Variants in DENND1B observed in about 807,000 individuals in gnomAD.
DENND1B encodes the protein DENN domain containing 1B, also known as DENN domain-containing protein 1B.
Under a neutral mutation model 90.1 loss-of-function variants are expected in DENND1B, and 59 were observed. The observed-to-expected ratio is 0.65, with a 90% CI of 0.53 to 0.81. DENND1B has a LOEUF of 0.81. Ranked by LOEUF, DENND1B falls within the 40% of genes least tolerant of loss-of-function variation. The probability of loss-of-function intolerance (pLI) is 0.00; values close to 1 mark genes in which losing one functional copy is unlikely to be tolerated. For synonymous variants in DENND1B, 337 were observed against 324.6 expected, an observed-to-expected ratio of 1.04 and a Z score of -0.41; for missense variants, 862 against 912.6, an observed-to-expected ratio of 0.94 and a Z score of 0.71.
At chr1:197,735,984 A>C in intron 2 of DENND1B, 1 of 1,187,464 alleles carries the variant, frequency 8.4e-7, no homozygotes, top group Non-Finnish European at 1.2e-6. Flanking sequence ...GGAAGCAAAA[A>C]AGGCTAAGCA....
chr1:197,510,700 A>G lies in DENND1B; in HGVS notation c.2088T>C (p.Thr696=), dbSNP rs1667964043. Residue 696 remains threonine (T), a synonymous_variant, in exon 23 of 23, where the codon ACT becomes ACC. Coordinates refer to ENST00000620048, the MANE Select transcript of DENND1B (RefSeq NM_001195215.2). ...FQLTSPEVSQ[T]DKGKTEKRET... ...CCCTCTTTTCTGTTTTTCCTTTATCAGTCTGGGAAACTTCAGGGGAAGTGA... is the reference window on the plus strand; with the variant it reads ...CCCTCTTTTCTGTTTTTCCTTTATCGGTCTGGGAAACTTCAGGGGAAGTGA... The G allele has an allele frequency of 5.6e-6, 9 of 1,612,722 alleles. No individual in the cohort carries two copies. Among genetic ancestry groups the G allele is most frequent in the Non-Finnish European group, 7.6e-6 (9 of 1,179,192 alleles).
chr1:197,734,165 G>A, intron 2 of DENND1B: 1 of 893,868 alleles, frequency 1.1e-6, no homozygotes, highest in Non-Finnish European at 1.3e-6. Flanking sequence ...TTAAAATATT[G>A]AACAGAAGAG....
chr1:197,763,497 T>C (rs1156362791), intron 2 of DENND1B, among the ~76,000 whole-genome samples: 1 of 152,162 alleles, frequency 6.6e-6, no homozygotes. Context: ...TCAGACACTG[T>C]TTTAGGCTCT....
At chr1:197,581,285 A>G (rs1475638355) in intron 15 of DENND1B, among the ~76,000 whole-genome samples, 1 of 152,218 alleles carries the variant, frequency 6.6e-6, no homozygotes, top group African/African-American at 2.4e-5. Context: ...AATCATGAGC[A>G]TATCAAGTTC....
chr1:197,526,721 T>C (rs1273682024), intron 20 of DENND1B, among the ~76,000 whole-genome samples: 1 of 152,158 alleles, frequency 6.6e-6, no homozygotes, highest in Non-Finnish European at 1.5e-5. Flanking sequence ...TATATGTTAT[T>C]AATATACTAG....
intron 2 of DENND1B, among the ~76,000 whole-genome samples, chr1:197,720,601 A>C (rs776824526): frequency 3.9e-4 from 59 of 152,090 alleles, no homozygotes; most frequent in Non-Finnish European, 7.2e-4. Flanking sequence ...AATTCACTCA[A>C]TCATTTAGGG....
rs1044794417 is a variant in DENND1B at position 197,513,728 on chromosome 1, T to G, written c.1516-775A>C. Reference sequence around the variant, plus strand: ...CATATTCCTCTATTTCTCCCCATATTTTTTAGTACGTTTCTTTGGACCAGA... The same window carrying G: ...CATATTCCTCTATTTCTCCCCATATGTTTTAGTACGTTTCTTTGGACCAGA... On this transcript the variant is annotated intron_variant, in intron 20 of 22. Coordinates refer to ENST00000620048, the MANE Select transcript of DENND1B (RefSeq NM_001195215.2). Among the ~76,000 whole-genome samples the G allele has an allele frequency of 2.6e-5, 4 of 151,700 alleles. No homozygotes were observed. The South Asian group carries it at 8.3e-4, about 31-fold the overall frequency.
chr1:197,597,264 T>A (rs1675785307), intron 13 of DENND1B, among the ~76,000 whole-genome samples: 1 of 151,844 alleles, frequency 6.6e-6, no homozygotes, highest in African/African-American at 2.4e-5. Flanking sequence ...ATGCTACTTT[T>A]AAGTTTCAAA....
intron 10 of DENND1B, among the ~76,000 whole-genome samples, chr1:197,626,129 C>T (rs987390982): frequency 6.6e-6 from 1 of 152,018 alleles, no homozygotes; most frequent in African/African-American, 2.4e-5. Flanking sequence ...AGAAAGTCAA[C>T]AAGGATACCC....
rs1236333753 is a variant in DENND1B at position 197,647,129 on chromosome 1, G to A, written c.448-15C>T. 11 of 1,420,014 alleles carry A rather than the reference G, an allele frequency of 7.7e-6. No individual in the cohort carries two copies. The highest frequency in any genetic ancestry group is 1.0e-5 in the Non-Finnish European group (11 of 1,090,662). The allele number at this position is 1,420,014 out of a possible 1,614,324, so 88.0% of individuals were successfully genotyped here. A position where few individuals can be genotyped will look rare whatever the true frequency, so the allele number is the denominator to read the frequency against. On this transcript the variant is annotated splice_polypyrimidine_tract_variant and intron_variant, in intron 7 of 22. Transcript: ENST00000620048. ...ATCTCTTGGTTCTTATAATACATGA[G>A]AGAAAAAAATGAATATTTTACTTTC... is the stretch of plus-strand genomic sequence containing the variant.
In DENND1B at chr1:197,718,189, TTTAAC is replaced by T. The variant is rs145954579; in HGVS notation, c.83-3120_83-3116del. On this transcript the variant is annotated intron_variant, in intron 2 of 22. Coordinates refer to ENST00000620048, the MANE Select transcript of DENND1B (RefSeq NM_001195215.2). ...ATAATTCACAAATTTTTGTGGCCCA[TTTAAC>T]TTAAGTTCAATTTATTTCATTCAAA... 9.1e-3 allele frequency among the ~76,000 whole-genome samples: 1,382 copies of T among 152,066 alleles called. 18 individuals are homozygous for T. The highest frequency in any genetic ancestry group is 0.028 in the African/African-American group (1,175 of 41,544).
At chr1:197,753,596 A>T (rs772433124) in intron 2 of DENND1B, among the ~76,000 whole-genome samples, 15 of 151,976 alleles carry the variant, frequency 9.9e-5, no homozygotes, top group Admixed American at 3.9e-4. Flanking sequence ...TGAATTTACC[A>T]CTCTGGTGGG....
intron 2 of DENND1B, among the ~76,000 whole-genome samples, chr1:197,771,930 T>G (rs781762371): frequency 6.6e-6 from 1 of 152,144 alleles, no homozygotes; most frequent in Non-Finnish European, 1.5e-5. Flanking sequence ...ATATGCACAA[T>G]ACACAATATG....
At chr1:197,725,126 C>T (rs1015428310) in intron 2 of DENND1B, among the ~76,000 whole-genome samples, 1 of 152,032 alleles carries the variant, frequency 6.6e-6, no homozygotes, top group Non-Finnish European at 1.5e-5. Context: ...GACAACAAAC[C>T]TAAGCAAGAT....
At chr1:197,716,697 T>C (rs28709435) in intron 2 of DENND1B, among the ~76,000 whole-genome samples, 17,150 of 151,904 alleles carry the variant, frequency 0.11, 1,660 homozygotes, top group East Asian at 0.46. Context: ...CAAATCCTCA[T>C]GCAGAAATAC....
intron 20 of DENND1B, among the ~76,000 whole-genome samples, chr1:197,517,039 G>A (rs1036068973): frequency 5.3e-5 from 8 of 151,880 alleles, no homozygotes; most frequent in Admixed American, 1.3e-4. Context: ...TTATCTGCTC[G>A]TGTGTCTGCC....
chr1:197,718,014 G>C (rs1660802678), intron 2 of DENND1B, among the ~76,000 whole-genome samples: 1 of 151,952 alleles, frequency 6.6e-6, no homozygotes, highest in Non-Finnish European at 1.5e-5. Flanking sequence ...GGGTTTCAGT[G>C]CCTAATATAC....
intron 15 of DENND1B, among the ~76,000 whole-genome samples, chr1:197,556,677 G>A (rs988929519): frequency 6.6e-6 from 1 of 151,802 alleles, no homozygotes; most frequent in South Asian, 2.1e-4. Flanking sequence ...TATGATCTTG[G>A]GCCACTTGTC....
intron 5 of DENND1B, among the ~76,000 whole-genome samples, chr1:197,661,772 G>T (rs1654429483): frequency 6.6e-6 from 1 of 151,758 alleles, no homozygotes; most frequent in Non-Finnish European, 1.5e-5. Flanking sequence ...TCAATGTTCT[G>T]GTTTTCTGAA....
Sources: allele counts gnomAD v4.1 joint callset (sites outside exome capture counted in the v4.1 genomes callset), GRCh38; gene constraint gnomAD v4.1.1; transcripts MANE v1.5; gene names NCBI Gene and HGNC (gene_info 2026-07-23, HGNC 2026-07-21).